Variants in RYR1 observed in about 807,000 individuals in gnomAD.
RYR1 encodes central core disease of muscle.
Under a neutral mutation model 583.5 loss-of-function variants are expected in RYR1, and 342 were observed. The ratio of observed to expected loss-of-function variants is 0.59; its 90% CI spans 0.54 to 0.64. RYR1 has a LOEUF of 0.64. Ranked by LOEUF, RYR1 falls within the 30% of genes least tolerant of loss-of-function variation. RYR1 has a pLI of 0.00. For missense variants in RYR1, 6,032 were observed against 6,917.2 expected, an observed-to-expected ratio of 0.87 and a Z score of 4.54; for synonymous variants, 2,791 against 2,822.5, an observed-to-expected ratio of 0.99 and a Z score of 0.35.
Position 38,566,946 on chromosome 19 carries a change from A to G in RYR1, c.13473A>G (p.Pro4491=), listed in dbSNP as rs770239842. The change falls in exon 92 of 106, where the codon CCA becomes CCG. Residue 4491 remains proline (P), a synonymous_variant. Transcript: ENST00000359596. ...TGGAGGAGGAGCTCCCGCCAGAGCC[A>G]GAGCCCGAGCCGGAACCAGAGCTGG... ...DGVEEELPPE[P]EPEPEPELEP... The G allele has an allele frequency of 6.2e-7, 1 of 1,606,748 alleles. No homozygotes were observed. The highest frequency in any genetic ancestry group is 1.1e-5 in the South Asian group (1 of 89,504).
intron 66 of RYR1, 95 bp downstream of exon 66, chr19:38,517,786 G>C (rs1355053319): frequency 1.6e-6 from 2 of 1,233,482 alleles, no homozygotes; most frequent in African/African-American, 3.0e-5. Context: ...TCCCCTCGGA[G>C]TTGGGAGGAG....
chr19:38,546,085 T>A (rs1191143416), intron 87 of RYR1, among the ~76,000 whole-genome samples: 1 of 152,118 alleles, frequency 6.6e-6, no homozygotes, highest in African/African-American at 2.4e-5. Flanking sequence ...CCAGGCACAG[T>A]GCTGGGCTCA....
At chr19:38,560,869 A>C (rs1300341062) in intron 89 of RYR1, among the ~76,000 whole-genome samples, 1 of 151,680 alleles carries the variant, frequency 6.6e-6, no homozygotes, top group East Asian at 1.9e-4. Context: ...AAAAAATTAA[A>C]ATTAAAATTA....
intron 102 of RYR1, among the ~76,000 whole-genome samples, chr19:38,585,507 TC>T (rs1357206741): frequency 6.6e-6 from 1 of 150,796 alleles, no homozygotes; most frequent in Non-Finnish European, 1.5e-5. Flanking sequence ...GGAGTCTCGC[TC>T]TGTTGCCCGG....
intron 89 of RYR1, among the ~76,000 whole-genome samples, chr19:38,548,737 C>T (rs2066140011): frequency 6.6e-6 from 1 of 152,120 alleles, no homozygotes; most frequent in Non-Finnish European, 1.5e-5. Flanking sequence ...GACATCATGC[C>T]TGGCTAATTT....
chr19:38,553,334 CAAAAAAA>C (rs566497167), intron 89 of RYR1, among the ~76,000 whole-genome samples: 3 of 80,952 alleles, frequency 3.7e-5, no homozygotes, highest in East Asian at 3.6e-4. Flanking sequence ...GACTCCATAT[CAAAAAAA>C]AAAAAAAAAA....
rs745937219 is a variant in RYR1 at position 38,459,166 on chromosome 19, A to G, written c.2188A>G (p.Thr730Ala). 1 of 1,613,626 alleles carries G rather than the reference A, an allele frequency of 6.2e-7. No homozygotes were observed. The highest frequency in any genetic ancestry group is 1.1e-5 in the South Asian group (1 of 91,062). ...TGCAGGACACGTGGCACGCCCAGTG[A>G]CTTCCCCAGGGCAGCACCTCCTGGC... ...LWTGHVARPV[T>A]SPGQHLLAPE... The change falls in exon 19 of 106, where the codon ACT becomes GCT. Residue 730 changes from threonine to alanine, a missense_variant. Thr to Ala is a moderately conservative substitution (Grantham distance 58). This residue lies in a region of RYR1 where 2,627 missense variants were observed against 2,961.3 expected (regional missense o/e 0.89). Transcript: ENST00000359596.
intron 92 of RYR1, among the ~76,000 whole-genome samples, chr19:38,567,513 C>T (rs1277299384): frequency 6.6e-6 from 1 of 152,098 alleles, no homozygotes; most frequent in Non-Finnish European, 1.5e-5. Context: ...CTCCAGATTC[C>T]CACAACCCCC....
chr19:38,496,099 C>A lies in RYR1; in HGVS notation c.6549-116C>A. 1.2e-6 allele frequency: 1 copy of A among 850,642 alleles called. No individual in the cohort carries two copies. Among genetic ancestry groups the A allele is most frequent in the Non-Finnish European group, 1.9e-6 (1 of 513,656 alleles). The allele number at this position is 850,642 out of a possible 1,614,324, so 52.7% of individuals were successfully genotyped here. A position where few individuals can be genotyped will look rare whatever the true frequency, so the allele number is the denominator to read the frequency against. On this transcript the variant is annotated intron_variant, in intron 39 of 105. Transcript: ENST00000359596. This position sits in a 1 kb window ranked among gnomAD's most constrained non-coding sequence, Gnocchi z 4.8. ...TTGAGTGAGTTCAGATCTGTAAAGG[C>A]GGTGGTGCTAGGCACAGAGTGAGAG...
At chr19:38,498,981 TG>T in intron 42 of RYR1, 126 bp from the exon 43 acceptor site, 1 of 1,266,576 alleles carries the variant, frequency 7.9e-7, no homozygotes, top group Admixed American at 2.3e-5. Flanking sequence ...CCAGGGCTAA[TG>T]GGCCGAGGGA....
chr19:38,489,970 G>A, intron 35 of RYR1, 106 bp from the exon 36 acceptor site: 1 of 1,179,324 alleles, frequency 8.5e-7, no homozygotes, highest in Non-Finnish European at 1.2e-6. Flanking sequence ...GATTTTGGCT[G>A]GACCTGGGCA....
chr19:38,544,061 C>G (rs915766332), intron 87 of RYR1, among the ~76,000 whole-genome samples, 186 bp downstream of exon 87: 1 of 152,210 alleles, frequency 6.6e-6, no homozygotes, highest in African/African-American at 2.4e-5. Flanking sequence ...GCCTCCTCCT[C>G]TGCCCCTCCC....
chr19:38,532,419 T>C (rs1971777789), intron 76 of RYR1, 71 bp from the exon 77 acceptor site: 2 of 1,515,706 alleles, frequency 1.3e-6, no homozygotes, highest in South Asian at 1.1e-5. Flanking sequence ...CACCGCACCC[T>C]GCCCAGAAGC....
chr19:38,448,987 G>C (rs1444691512), intron 11 of RYR1, among the ~76,000 whole-genome samples, 174 bp downstream of exon 11: 1 of 151,948 alleles, frequency 6.6e-6, no homozygotes, highest in African/African-American at 2.4e-5. Context: ...GGAGTTTGAG[G>C]ATGAGACTGA....
intron 17 of RYR1, 134 bp from the exon 18 acceptor site, chr19:38,457,917 C>T: frequency 2.1e-6 from 2 of 937,294 alleles, no homozygotes; most frequent in South Asian, 1.3e-5. Flanking sequence ...ATTCTTCCTC[C>T]ATGTCTTTCT....
intron 38 of RYR1, among the ~76,000 whole-genome samples, chr19:38,494,122 T>A (rs1969688014): frequency 6.6e-6 from 1 of 152,112 alleles, no homozygotes; most frequent in Admixed American, 6.5e-5. Flanking sequence ...TGAGCTGTGA[T>A]AGCCCCACAG....
chr19:38,434,710 C>T (rs1410376862), intron 1 of RYR1, among the ~76,000 whole-genome samples: 1 of 152,092 alleles, frequency 6.6e-6, no homozygotes, highest in East Asian at 1.9e-4. Flanking sequence ...GGAGGAGGGG[C>T]TGCCATCTCC....
chr19:38,455,864 C>G (rs1373178323), intron 16 of RYR1, 113 bp downstream of exon 16: 2 of 738,402 alleles, frequency 2.7e-6, no homozygotes, highest in Non-Finnish European at 2.4e-6. Context: ...CATCTCTCAC[C>G]TGTACGCCAC....
At chr19:38,582,397 CA>C (rs35152797) in intron 101 of RYR1, among the ~76,000 whole-genome samples, 1 of 140,272 alleles carries the variant, frequency 7.1e-6, no homozygotes, top group Non-Finnish European at 1.5e-5. Flanking sequence ...AACTCCGTCT[CA>C]AAAAAAAGGA....
Sources: gnomAD v4.1 joint callset for allele counts (sites outside exome capture counted in the v4.1 genomes callset) on GRCh38, gnomAD v4.1.1 for gene constraint, gnomAD v4.1.1 regional missense constraint, Gnocchi (gnomAD v3.1) non-coding constraint, MANE v1.5 for transcripts, NCBI Gene and HGNC (gene_info 2026-07-23, HGNC 2026-07-21) for gene names.